The following LRRFIP1 variants were observed in gnomAD, a reference collection of about 807,000 sequenced individuals.
LRRFIP1 encodes the protein LRR binding FLII interacting protein 1, also known as leucine-rich repeat flightless-interacting protein 1.
A neutral mutation model predicts 104.4 loss-of-function variants in LRRFIP1; 62 were observed. The ratio of observed to expected loss-of-function variants is 0.59; its 90% CI spans 0.48 to 0.73. The LOEUF (loss-of-function observed/expected upper bound fraction) is 0.73. Among genes scored for constraint, LRRFIP1 ranks in the 30% least tolerant of loss-of-function variants. The pLI is 0.00. For synonymous variants in LRRFIP1, 300 were observed against 299.0 expected (o/e 1.00, Z -0.03); for missense variants, 796 against 824.5 (o/e 0.97, Z 0.42).
intron 23 of LRRFIP1, among the ~76,000 whole-genome samples, chr2:237,776,838 A>T (rs1019423122): frequency 6.6e-6 from 1 of 152,124 alleles, no homozygotes; most frequent in African/African-American, 2.4e-5. Flanking sequence ...GGTGGCTCTT[A>T]GTTGAATCTG....
intron 3 of LRRFIP1, among the ~76,000 whole-genome samples, chr2:237,716,923 G>T (rs988707784): frequency 6.6e-6 from 1 of 152,200 alleles, no homozygotes; most frequent in African/African-American, 2.4e-5. Flanking sequence ...AAGCAAGCTT[G>T]TCCAACCTGC....
chr2:237,692,815 C>G lies in LRRFIP1; in HGVS notation c.97-15729C>G, dbSNP rs149129455. The stretch of plus-strand genomic sequence containing the variant: ...GTGATGGGCTGCAGACAGGCTCTGA[C>G]CAGGTCTGCGCCTGGCCTGGAGTCA... On this transcript the variant is annotated intron_variant, in intron 1 of 23. Transcript: ENST00000308482. Among the ~76,000 whole-genome samples the G allele has an allele frequency of 3.1e-3, 470 of 152,396 alleles. 11 individuals carry two copies. In the East Asian group the frequency reaches 0.046, roughly 15 times the overall value.
intron 1 of LRRFIP1, among the ~76,000 whole-genome samples, chr2:237,647,815 C>T (rs1260637205): frequency 2.7e-5 from 4 of 149,490 alleles, no homozygotes; most frequent in Admixed American, 1.3e-4. Flanking sequence ...GGCAGGGTCA[C>T]GCCCTGTCGC....
At chr2:237,748,989 G>A (rs2058240303) in intron 12 of LRRFIP1, among the ~76,000 whole-genome samples, 1 of 152,198 alleles carries the variant, frequency 6.6e-6, no homozygotes, top group Admixed American at 6.5e-5. Context: ...ATGTGAAGGA[G>A]GAACTGTCAA....
At chr2:237,699,455 T>A (rs2093387125) in intron 1 of LRRFIP1, among the ~76,000 whole-genome samples, 1 of 151,440 alleles carries the variant, frequency 6.6e-6, no homozygotes, top group South Asian at 2.1e-4. Context: ...CGGGTTCAAG[T>A]GATTCTCCTG....
intron 8 of LRRFIP1, among the ~76,000 whole-genome samples, chr2:237,732,878 C>T (rs3769080): frequency 0.14 from 21,481 of 152,138 alleles, 1,687 homozygotes; most frequent in East Asian, 0.26. Context: ...TGGGTCTCCC[C>T]GCTGTTTCCT....
chr2:237,632,840 TG>T (rs142027358), intron 1 of LRRFIP1, among the ~76,000 whole-genome samples: 1,856 of 152,318 alleles, frequency 0.012, 32 homozygotes, highest in African/African-American at 0.042. Flanking sequence ...TGCAGTCCCT[TG>T]CCCTCTGGTG....
intron 1 of LRRFIP1, among the ~76,000 whole-genome samples, chr2:237,667,138 C>T (rs1390612115): frequency 2.0e-5 from 3 of 152,148 alleles, no homozygotes; most frequent in South Asian, 2.1e-4. Flanking sequence ...TTTTCAGCCC[C>T]GCATGCTTTA....
rs577091829 is a variant in LRRFIP1, at chr2:237,740,802, A to C, written c.633+1493A>C. 2.0e-5 allele frequency among the ~76,000 whole-genome samples: 3 copies of C among 152,008 alleles called. No homozygotes were observed. The South Asian group carries it at 6.2e-4, about 32-fold the overall frequency. Reference sequence around the variant, plus strand: ...TGCCTTGCAGAACTGCACAGCCTCCACCCCACCCACTATTTTCGTGACCCC... The same window carrying C: ...TGCCTTGCAGAACTGCACAGCCTCCCCCCCACCCACTATTTTCGTGACCCC... On this transcript the variant is annotated intron_variant, in intron 11 of 23. Coordinates refer to ENST00000308482, the MANE Select transcript of LRRFIP1 (RefSeq NM_001137550.2).
chr2:237,698,153 G>GA (rs1470479905), intron 1 of LRRFIP1, among the ~76,000 whole-genome samples: 1 of 152,204 alleles, frequency 6.6e-6, no homozygotes, highest in African/African-American at 2.4e-5. Context: ...TTATTATTCT[G>GA]AAAAGCAAAG....
chr2:237,753,717 G>A (rs2058906699), intron 15 of LRRFIP1, among the ~76,000 whole-genome samples: 1 of 149,982 alleles, frequency 6.7e-6, no homozygotes, highest in Non-Finnish European at 1.5e-5. Flanking sequence ...ACTTGAGCCT[G>A]GAAGGTTGAG....
chr2:237,629,453 G>A (rs898571764), intron 1 of LRRFIP1, among the ~76,000 whole-genome samples: 2 of 148,922 alleles, frequency 1.3e-5, no homozygotes, highest in Non-Finnish European at 3.0e-5. Flanking sequence ...TTTATCCACT[G>A]GTGTTTCTTT....
chr2:237,704,095 G>A (rs534572830), intron 1 of LRRFIP1, among the ~76,000 whole-genome samples: 1 of 151,470 alleles, frequency 6.6e-6, no homozygotes, highest in African/African-American at 2.4e-5. Context: ...TCAGGCTGCT[G>A]TGCCATTCTT....
At chr2:237,704,215 C>T (rs1267795172) in intron 1 of LRRFIP1, among the ~76,000 whole-genome samples, 1 of 147,852 alleles carries the variant, frequency 6.8e-6, no homozygotes, top group Admixed American at 6.9e-5. Flanking sequence ...TGCAGTGGTG[C>T]AATCTTGGCT....
chr2:237,629,418 G>A (rs2082025578), intron 1 of LRRFIP1, among the ~76,000 whole-genome samples: 1 of 150,242 alleles, frequency 6.7e-6, no homozygotes, highest in South Asian at 2.1e-4. Flanking sequence ...AGAATGAGAA[G>A]AATGAAAATT....
chr2:237,674,435 A>G (rs2149575457), intron 1 of LRRFIP1, among the ~76,000 whole-genome samples: 1 of 152,358 alleles, frequency 6.6e-6, no homozygotes, highest in South Asian at 2.1e-4. Flanking sequence ...AGGAGTGGCC[A>G]TCAGTGTTAG....
intron 1 of LRRFIP1, among the ~76,000 whole-genome samples, chr2:237,706,121 G>C (rs924607927): frequency 2.6e-5 from 4 of 152,194 alleles, no homozygotes; most frequent in African/African-American, 9.7e-5. Flanking sequence ...CAGTGGGAGA[G>C]GGGTATGCAG....
intron 14 of LRRFIP1, among the ~76,000 whole-genome samples, 178 bp downstream of exon 14, chr2:237,751,449 G>A (rs952188661): frequency 6.6e-6 from 1 of 152,214 alleles, no homozygotes; most frequent in African/African-American, 2.4e-5. Context: ...TTTCCCAAAT[G>A]CATTGTTTGA....
At chr2:237,633,145 C>T (rs2082633064) in intron 1 of LRRFIP1, among the ~76,000 whole-genome samples, 1 of 152,126 alleles carries the variant, frequency 6.6e-6, no homozygotes, top group South Asian at 2.1e-4. Flanking sequence ...AGTTGGAACC[C>T]AGCCGCAGTG....
Sources: allele counts gnomAD v4.1 joint callset (sites outside exome capture counted in the v4.1 genomes callset), GRCh38; gene constraint gnomAD v4.1.1; transcripts MANE v1.5; gene names NCBI Gene and HGNC (gene_info 2026-07-23, HGNC 2026-07-21).